Variants in SNTG1 observed in about 807,000 individuals in gnomAD.
SNTG1 encodes the protein syntrophin gamma 1.
Under a neutral mutation model 74.7 loss-of-function variants are expected in SNTG1, and 39 were observed. That is an observed-to-expected ratio of 0.52 (90% CI 0.40 to 0.68). The LOEUF (loss-of-function observed/expected upper bound fraction) is 0.68. Ranked by LOEUF, SNTG1 falls within the 30% of genes least tolerant of loss-of-function variation. The probability of loss-of-function intolerance (pLI) is 0.00; values close to 1 mark genes in which losing one functional copy is unlikely to be tolerated. For synonymous variants in SNTG1, 254 were observed against 217.1 expected, an observed-to-expected ratio of 1.17 and a Z score of -1.49; for missense variants, 685 against 609.5, an observed-to-expected ratio of 1.12 and a Z score of -1.30.
Position 50,120,741 on chromosome 8 carries a change from C to A in SNTG1, c.-102-51820C>A. Among the ~76,000 whole-genome samples the A allele has an allele frequency of 1.4e-5, 2 of 142,688 alleles. 1 individual carries two copies. 93.6% of individuals were successfully genotyped at this position (142,688 alleles called of 152,430 possible). A position where few individuals can be genotyped will look rare whatever the true frequency, so the allele number is the denominator to read the frequency against. ...CCTGAACCCACAATTTTTAGGTGAT[C>A]ACATTTTAATGTCCACATTCTGTTT... On this transcript the variant is annotated intron_variant, in intron 1 of 18. Transcript: ENST00000642720.
chr8:50,668,822 A>T (rs1163994222), intron 15 of SNTG1, among the ~76,000 whole-genome samples: 1 of 151,842 alleles, frequency 6.6e-6, no homozygotes, highest in African/African-American at 2.4e-5. Context: ...ATTTCTTTTT[A>T]TGGCTATGTA....
At chr8:50,493,299 T>C (rs2093875004) in intron 8 of SNTG1, among the ~76,000 whole-genome samples, 1 of 152,134 alleles carries the variant, frequency 6.6e-6, no homozygotes, top group Admixed American at 6.5e-5. Flanking sequence ...CAAAAACAAA[T>C]GAATGGATGC....
At chr8:50,554,464 A>G (rs984108998) in intron 12 of SNTG1, among the ~76,000 whole-genome samples, 9 of 151,460 alleles carry the variant, frequency 5.9e-5, no homozygotes, top group Non-Finnish European at 1.2e-4. Context: ...AGTGTGAATA[A>G]AAACAGATTT....
chr8:50,224,999 C>G (rs1245168627), intron 2 of SNTG1, among the ~76,000 whole-genome samples: 2 of 151,730 alleles, frequency 1.3e-5, no homozygotes, highest in African/African-American at 2.4e-5. Context: ...GAGATGGAGT[C>G]TCACTCTGTT....
At chr8:50,782,538 C>T (rs1018407139) in intron 18 of SNTG1, among the ~76,000 whole-genome samples, 2 of 152,170 alleles carry the variant, frequency 1.3e-5, no homozygotes, top group African/African-American at 4.8e-5. Flanking sequence ...GTTCTTGAGC[C>T]TTGGCTTTCA....
At chr8:50,298,821 T>C (rs1216713431) in intron 2 of SNTG1, among the ~76,000 whole-genome samples, 1 of 152,198 alleles carries the variant, frequency 6.6e-6, no homozygotes, top group Non-Finnish European at 1.5e-5. Context: ...GGCTAGGGTT[T>C]CTAGCATGAG....
At chr8:50,648,359 T>C (rs975795340) in intron 13 of SNTG1, among the ~76,000 whole-genome samples, 4 of 152,162 alleles carry the variant, frequency 2.6e-5, no homozygotes, top group Admixed American at 6.6e-5. Context: ...CTCGAACATA[T>C]TCTTTTTTGT....
At chr8:50,244,735 C>T (rs1426034976) in intron 2 of SNTG1, among the ~76,000 whole-genome samples, 1 of 152,188 alleles carries the variant, frequency 6.6e-6, no homozygotes, top group South Asian at 2.1e-4. Context: ...TTTACCAACT[C>T]TTTGCCAATG....
intron 1 of SNTG1, among the ~76,000 whole-genome samples, chr8:50,164,789 C>G (rs2082555994): frequency 6.6e-6 from 1 of 152,126 alleles, no homozygotes; most frequent in African/African-American, 2.4e-5. Context: ...AATATTATCT[C>G]CAACTATGAA....
intron 13 of SNTG1, among the ~76,000 whole-genome samples, chr8:50,620,994 G>A (rs1433772560): frequency 6.6e-6 from 1 of 152,158 alleles, no homozygotes; most frequent in Non-Finnish European, 1.5e-5. Flanking sequence ...TCAGAGCAAG[G>A]GGGTTGGAGG....
At chr8:50,261,190 G>C (rs1202293751) in intron 2 of SNTG1, among the ~76,000 whole-genome samples, 3 of 152,044 alleles carry the variant, frequency 2.0e-5, no homozygotes, top group Non-Finnish European at 4.4e-5. Context: ...AGATGAGCAA[G>C]GATAATAATT....
At chr8:50,323,909 G>T (rs1270827656) in intron 2 of SNTG1, among the ~76,000 whole-genome samples, 1 of 152,172 alleles carries the variant, frequency 6.6e-6, no homozygotes, top group Non-Finnish European at 1.5e-5. Context: ...CTAAGCTGGT[G>T]CTTAAATCGA....
intron 1 of SNTG1, among the ~76,000 whole-genome samples, chr8:50,034,840 G>T (rs532251043): frequency 7.4e-4 from 112 of 152,286 alleles, no homozygotes; most frequent in African/African-American, 2.6e-3. Context: ...GAGAAGCTTC[G>T]TCTAGTGTTT....
intron 2 of SNTG1, among the ~76,000 whole-genome samples, chr8:50,206,779 T>C (rs1193990942): frequency 3.3e-5 from 5 of 151,986 alleles, no homozygotes; most frequent in African/African-American, 4.8e-5. Context: ...GCATGAAGGG[T>C]TGTTGAATTT....
intron 1 of SNTG1, among the ~76,000 whole-genome samples, chr8:50,056,816 G>A (rs1192153141): frequency 6.6e-6 from 1 of 152,068 alleles, no homozygotes; most frequent in African/African-American, 2.4e-5. Flanking sequence ...GGCAATTGGG[G>A]ATTGCTGGAA....
intron 12 of SNTG1, among the ~76,000 whole-genome samples, chr8:50,567,012 GGCA>G (rs1301176485): frequency 6.6e-6 from 1 of 152,026 alleles, no homozygotes; most frequent in African/African-American, 2.4e-5. Context: ...ATCAATAAAT[GGCA>G]GCCTCTATTT....
At chr8:50,033,673 G>A (rs1161461530) in intron 1 of SNTG1, among the ~76,000 whole-genome samples, 2 of 152,006 alleles carry the variant, frequency 1.3e-5, no homozygotes, top group African/African-American at 2.4e-5. Context: ...TGTGAATGTA[G>A]CTCCCTGGTA....
intron 9 of SNTG1, among the ~76,000 whole-genome samples, chr8:50,509,481 C>T (rs573403956): frequency 1.4e-4 from 22 of 152,034 alleles, no homozygotes; most frequent in Non-Finnish European, 3.1e-4. Flanking sequence ...ATGGGGATGG[C>T]ATTGAATCTA....
chr8:50,511,873 T>C (rs2094080131), intron 9 of SNTG1, among the ~76,000 whole-genome samples: 1 of 152,212 alleles, frequency 6.6e-6, no homozygotes. Flanking sequence ...TTATCCAATT[T>C]GCCAGTCTGT....
Sources: allele counts gnomAD v4.1 joint callset (sites outside exome capture counted in the v4.1 genomes callset), GRCh38; gene constraint gnomAD v4.1.1; transcripts MANE v1.5; gene names NCBI Gene and HGNC (gene_info 2026-07-23, HGNC 2026-07-21).